The following KEAP1 variants were observed in gnomAD, a reference collection of about 807,000 sequenced individuals.
The protein encoded by KEAP1 is kelch-like ECH-associated protein 1.
A neutral mutation model predicts 59.7 loss-of-function variants in KEAP1; 26 were observed. That is an observed-to-expected ratio of 0.44 (90% CI 0.32 to 0.60). KEAP1 has a LOEUF of 0.60. Among genes scored for constraint, KEAP1 ranks in the 20% least tolerant of loss-of-function variants. The pLI, the probability that KEAP1 is intolerant of heterozygous loss-of-function variation, is 0.06. For missense variants in KEAP1, 539 were observed against 871.4 expected, an observed-to-expected ratio of 0.62 and a Z score of 4.80; for synonymous variants, 350 against 358.3, an observed-to-expected ratio of 0.98 and a Z score of 0.26.
chr19:10,500,056 A>G lies in KEAP1; in HGVS notation c.-23T>C, dbSNP rs1914988801. On this transcript the variant is annotated 5_prime_UTR_variant, in exon 2 of 6. Coordinates refer to ENST00000171111, the MANE Select transcript of KEAP1 (RefSeq NM_203500.2). ...CATGGGGTTCCAGAAGATAAGCAAC[A>G]CCACCACCTCTGGCACTCAGGGACC... is the stretch of plus-strand genomic sequence containing the variant. 2.0e-6 allele frequency: 3 copies of G among 1,529,008 alleles called. No individual in the cohort carries two copies. Among genetic ancestry groups the G allele is most frequent in the South Asian group, 1.3e-5 (1 of 77,444 alleles). The allele number at this position is 1,529,008 out of a possible 1,614,324, so 94.7% of individuals were successfully genotyped here.
rs1317709831 is a variant in KEAP1, at chr19:10,499,892, C to T, written c.142G>A (p.Gly48Ser). 6.2e-7 allele frequency: 1 copy of T among 1,613,254 alleles called. No individual in the cohort carries two copies. The highest frequency in any genetic ancestry group is 1.3e-5 in the African/African-American group (1 of 74,938). ...AGGGTGTAGCTGAAGGTGCGGTTGC[C>T]ATGCTGGGAGGGCGTCACCTCCGCC... is the stretch of plus-strand genomic sequence containing the variant. ...CKAEVTPSQHGNRTFSYTLED... is the reference protein window; with the variant it reads ...CKAEVTPSQHSNRTFSYTLED... The change falls in exon 2 of 6, where the codon GGC becomes AGC. Residue 48 changes from glycine to serine, a missense_variant. Physicochemically the swap from Gly to Ser is moderately conservative, Grantham distance 56 (BLOSUM62 0). Around this residue, in one of 4 missense-constraint regions of KEAP1, gnomAD observed 166 missense variants for 295.8 expected, o/e 0.56. Transcript: ENST00000171111. The surrounding 1 kb of genome is among the most constrained non-coding windows in gnomAD (Gnocchi z 6.7).
rs2144576789 is a variant in KEAP1 at position 10,486,610 on chromosome 19, C to G, written c.*42G>C. On this transcript the variant is annotated 3_prime_UTR_variant, in exon 6 of 6. Coordinates refer to ENST00000171111, the MANE Select transcript of KEAP1 (RefSeq NM_203500.2). Reference sequence around the variant, plus strand: ...CGGTTTTTGTACAAAAACAATGATACTCCCCATTGGACTGTATTTTTGCCC... The same window carrying G: ...CGGTTTTTGTACAAAAACAATGATAGTCCCCATTGGACTGTATTTTTGCCC... 1 of 1,563,392 alleles carries G rather than the reference C, an allele frequency of 6.4e-7. No individual in the cohort carries two copies. Among genetic ancestry groups the G allele is most frequent in the East Asian group, 2.3e-5 (1 of 43,888 alleles).
At position 10,491,937 on chromosome 19, in the gene KEAP1, G is replaced by A. The variant is rs2144600998; in HGVS notation, c.965C>T (p.Pro322Leu). ...GGTGTAGATCAGGCGGCCCACCTTG[G>A]GCGCCCGGCAGGGCATCACCTGCGT... Reference protein sequence around the residue: ...KPTQVMPCRAPKVGRLIYTAG... With the variant: ...KPTQVMPCRALKVGRLIYTAG... Residue 322 changes from proline (P) to leucine (L), a missense_variant, in exon 3 of 6, where the codon CCC becomes CTC. By Grantham distance (98) the Pro-to-Leu change is moderately conservative. Coordinates refer to ENST00000171111, the MANE Select transcript of KEAP1 (RefSeq NM_203500.2). The surrounding 1 kb of genome is among the most constrained non-coding windows in gnomAD (Gnocchi z 5.2). 6.3e-7 allele frequency: 1 copy of A among 1,596,332 alleles called. No individual in the cohort carries two copies. Among genetic ancestry groups the A allele is most frequent in the Non-Finnish European group, 8.5e-7 (1 of 1,171,104 alleles).
rs182218590 is a variant in KEAP1, at chr19:10,488,846, G to A, written c.1708+346C>T. Among the ~76,000 whole-genome samples, 673 of 145,790 alleles carry A rather than the reference G, an allele frequency of 4.6e-3. 1 individual carries two copies. The highest frequency in any genetic ancestry group is 0.012 in the African/African-American group (482 of 39,426). On this transcript the variant is annotated intron_variant, in intron 5 of 5. Transcript: ENST00000171111. ...CTCAGGAGGCTGAGACAGGAGAATC[G>A]CTTGAACCCAGGAGGTGGAGGTTGC...
chr19:10,497,786 C>T (rs1416321023), intron 2 of KEAP1, among the ~76,000 whole-genome samples: 1 of 152,184 alleles, frequency 6.6e-6, no homozygotes, highest in East Asian at 1.9e-4. Flanking sequence ...CCCAGCTACT[C>T]AGGAGGCTGA....
intron 2 of KEAP1, among the ~76,000 whole-genome samples, chr19:10,496,204 A>G (rs1914841642): frequency 1.4e-5 from 2 of 146,140 alleles, no homozygotes; most frequent in South Asian, 2.2e-4. Context: ...AAAGAAAAAA[A>G]AAAAAAAAAG....
Position 10,486,219 on chromosome 19 carries a change from TC to T in KEAP1, c.*432del, listed in dbSNP as rs1392018625. On this transcript the variant is annotated 3_prime_UTR_variant, in exon 6 of 6. Coordinates refer to ENST00000171111, the MANE Select transcript of KEAP1 (RefSeq NM_203500.2). ...CTGTCCATCCGGTGGGGAAGTGCCA[TC>T]CGGTGGCTTCTATGTACAGGCCCAT... 1 of 234,776 alleles carries T rather than the reference TC, an allele frequency of 4.3e-6. No individual in the cohort carries two copies. The highest frequency in any genetic ancestry group is 2.2e-5 in the African/African-American group (1 of 45,300). 14.5% of individuals were successfully genotyped at this position (234,776 alleles called of 1,614,324 possible). A position where few individuals can be genotyped will look rare whatever the true frequency, so the allele number is the denominator to read the frequency against.
chr19:10,498,902 C>T (rs563289566), intron 2 of KEAP1, among the ~76,000 whole-genome samples: 4 of 151,372 alleles, frequency 2.6e-5, no homozygotes, highest in African/African-American at 7.3e-5. Context: ...GTGGCTCGAT[C>T]TCCACTCACT....
rs1440143848 is a variant in KEAP1 at position 10,499,364 on chromosome 19, A to G, written c.639+31T>C. On this transcript the variant is annotated intron_variant, in intron 2 of 5. Coordinates refer to ENST00000171111, the MANE Select transcript of KEAP1 (RefSeq NM_203500.2). The surrounding 1 kb of genome is among the most constrained non-coding windows in gnomAD (Gnocchi z 6.7). ...TCGTCCATCCCTGGTCCTTCTCCTG[A>G]CACTGCCCCCAGCCCCACTTCCCCG... 1.3e-6 allele frequency: 2 copies of G among 1,531,604 alleles called. No homozygotes were observed. Among genetic ancestry groups the G allele is most frequent in the Non-Finnish European group, 1.8e-6 (2 of 1,138,668 alleles). 94.9% of individuals were successfully genotyped at this position (1,531,604 alleles called of 1,614,324 possible).
chr19:10,489,432 C>T (rs923027830), intron 4 of KEAP1, 64 bp from the exon 5 acceptor site: 25 of 1,514,992 alleles, frequency 1.7e-5, no homozygotes, highest in Non-Finnish European at 2.1e-5. Context: ...CAGCCATCAC[C>T]TCCTTGAGGG....
rs569444670 is a variant in KEAP1 at position 10,497,021 on chromosome 19, G to A, written c.639+2374C>T. 5.3e-5 allele frequency among the ~76,000 whole-genome samples: 8 copies of A among 152,064 alleles called. No individual in the cohort carries two copies. In the East Asian group the frequency reaches 9.7e-4, roughly 18 times the overall value. On this transcript the variant is annotated intron_variant, in intron 2 of 5. Transcript: ENST00000171111. ...CACCTGTAATCCCAGCTACTTGGGAGGCTGAGGCAGGAGAATTGCTTGAAC... is the reference window on the plus strand; with the variant it reads ...CACCTGTAATCCCAGCTACTTGGGAAGCTGAGGCAGGAGAATTGCTTGAAC...
intron 5 of KEAP1, among the ~76,000 whole-genome samples, 160 bp from the exon 6 acceptor site, chr19:10,486,978 C>T (rs193301296): frequency 6.1e-4 from 89 of 145,762 alleles, no homozygotes; most frequent in African/African-American, 2.3e-3. Context: ...AGGAGGATTG[C>T]TTGAGGCCAG....
chr19:10,489,561 G>A lies in KEAP1; in HGVS notation c.1531+87C>T, dbSNP rs1914596333. ...TTACCCCAGCATGAGGGTTGCAACAGGGGGTCTCTCCCAGGCCTGGCTCAG... is the reference window on the plus strand; with the variant it reads ...TTACCCCAGCATGAGGGTTGCAACAAGGGGTCTCTCCCAGGCCTGGCTCAG... On this transcript the variant is annotated intron_variant, in intron 4 of 5. Coordinates refer to ENST00000171111, the MANE Select transcript of KEAP1 (RefSeq NM_203500.2). The A allele has an allele frequency of 6.1e-6, 9 of 1,467,652 alleles. No homozygotes were observed. The Admixed American group carries it at 1.2e-4, about 20-fold the overall frequency. The allele number at this position is 1,467,652 out of a possible 1,614,324, so 90.9% of individuals were successfully genotyped here.
chr19:10,490,776 A>G (rs1914644058), intron 3 of KEAP1: 1 of 152,188 alleles, frequency 6.6e-6, no homozygotes, highest in Non-Finnish European at 1.5e-5. Context: ...CCAAATGACA[A>G]AACTGAGCCT....
intron 4 of KEAP1, 36 bp downstream of exon 4, chr19:10,489,612 T>A (rs1914598164): frequency 6.2e-7 from 1 of 1,602,620 alleles, no homozygotes; most frequent in African/African-American, 1.3e-5. Context: ...GTAGGGGGTG[T>A]TCCTGGGTGC....
intron 3 of KEAP1, among the ~76,000 whole-genome samples, chr19:10,490,163 A>G (rs1914620310): frequency 6.6e-6 from 1 of 151,776 alleles, no homozygotes; most frequent in Admixed American, 6.6e-5. Flanking sequence ...GAGGCGAGAT[A>G]ATCACTTGAA....
chr19:10,498,682 T>C (rs1187741161), intron 2 of KEAP1, among the ~76,000 whole-genome samples: 2 of 152,168 alleles, frequency 1.3e-5, no homozygotes, highest in Non-Finnish European at 2.9e-5. Flanking sequence ...AAGGCTGGGC[T>C]ACCCTAGGAT....
chr19:10,486,705 C>T lies in KEAP1; in HGVS notation c.1822G>A (p.Val608Ile), dbSNP rs969429642. The change falls in exon 6 of 6, where the codon GTC (valine) becomes ATC (isoleucine). Residue 608 changes from valine to isoleucine, a missense_variant. Physicochemically the swap from Val to Ile is conservative, Grantham distance 29. This residue lies in a region of KEAP1 where 311 missense variants were observed against 425.2 expected (regional missense o/e 0.73). Coordinates refer to ENST00000171111, the MANE Select transcript of KEAP1 (RefSeq NM_203500.2). ...TSGRSGVGVA[V>I]TMEPCRKQID... ...TGCTTCCGGCAGGGCTCCATGGTGA[C>T]AGCCACGCCCACCCCACTCCGGCCC... The T allele has an allele frequency of 1.2e-6, 2 of 1,614,110 alleles. No individual in the cohort carries two copies. The highest frequency in any genetic ancestry group is 1.7e-6 in the Non-Finnish European group (2 of 1,180,022).
At chr19:10,492,302 A>T in intron 2 of KEAP1, 40 bp from the exon 3 acceptor site, 1 of 1,485,024 alleles carries the variant, frequency 6.7e-7, no homozygotes, top group Middle Eastern at 1.7e-4. Context: ...CTCTCCAGTC[A>T]CCCCCACACC....
Sources: gnomAD v4.1 joint callset for allele counts (sites outside exome capture counted in the v4.1 genomes callset) on GRCh38, gnomAD v4.1.1 for gene constraint, gnomAD v4.1.1 regional missense constraint, Gnocchi (gnomAD v3.1) non-coding constraint, MANE v1.5 for transcripts, NCBI Gene and HGNC (gene_info 2026-07-23, HGNC 2026-07-21) for gene names.